The following UHRF2 variants were observed in gnomAD, a reference collection of about 807,000 sequenced individuals.
The protein encoded by UHRF2 is ubiquitin like with PHD and ring finger domains 2, also known as E3 ubiquitin-protein ligase UHRF2.
A neutral mutation model predicts 96.8 loss-of-function variants in UHRF2; 23 were observed. That is an observed-to-expected ratio of 0.24 (90% CI 0.17 to 0.34). The LOEUF (loss-of-function observed/expected upper bound fraction) is 0.34. UHRF2 is among the 10% of genes least tolerant of loss of function. The pLI is 1.00. For missense variants in UHRF2, 685 were observed against 981.5 expected, an observed-to-expected ratio of 0.70 and a Z score of 4.04; for synonymous variants, 385 against 332.6, an observed-to-expected ratio of 1.16 and a Z score of -1.72.
intron 3 of UHRF2, among the ~76,000 whole-genome samples, chr9:6,455,192 C>T (rs1052510419): frequency 3.3e-5 from 5 of 152,050 alleles, no homozygotes; most frequent in African/African-American, 1.2e-4. Context: ...ACAACGAGCT[C>T]GTTTGTTACA....
At chr9:6,416,535 CTTTTTTTTTT>C (rs60522189) in intron 1 of UHRF2, among the ~76,000 whole-genome samples, 56 of 64,946 alleles carry the variant, frequency 8.6e-4, no homozygotes, top group Non-Finnish European at 1.3e-3. Context: ...ATCTCTAAAT[CTTTTTTTTTT>C]TTTTTTTTTT....
At chr9:6,500,226 C>T (rs1816213726) in intron 13 of UHRF2, among the ~76,000 whole-genome samples, 2 of 152,126 alleles carry the variant, frequency 1.3e-5, no homozygotes, top group South Asian at 4.1e-4. Flanking sequence ...CCTCAGCCTC[C>T]TAAAGTGCTG....
intron 4 of UHRF2, among the ~76,000 whole-genome samples, chr9:6,462,037 G>A (rs2130851517): frequency 6.6e-6 from 1 of 151,736 alleles, no homozygotes; most frequent in Non-Finnish European, 1.5e-5. Context: ...ACGAATATTT[G>A]TGTCAAGTTC....
Position 6,413,520 on chromosome 9 carries a change from C to A in UHRF2, c.30C>A (p.Gly10=). 2 of 1,589,572 alleles carry A rather than the reference C, an allele frequency of 1.3e-6. No individual in the cohort carries two copies. Among genetic ancestry groups the A allele is most frequent in the Non-Finnish European group, 1.7e-6 (2 of 1,169,142 alleles). Residue 10 remains glycine, a synonymous_variant, in exon 1 of 16, where the codon GGC becomes GGA. Transcript: ENST00000276893. MWIQVRTID[G]SKTCTIEDVS... is the part of the protein sequence containing the mutation. Reference sequence around the variant, plus strand: ...GGATACAGGTTCGCACCATTGATGGCTCCAAGACGTGCACCATTGAGGACG... The same window carrying A: ...GGATACAGGTTCGCACCATTGATGGATCCAAGACGTGCACCATTGAGGACG...
chr9:6,455,391 TG>T (rs1822118875), intron 3 of UHRF2, among the ~76,000 whole-genome samples: 1 of 152,188 alleles, frequency 6.6e-6, no homozygotes, highest in African/African-American at 2.4e-5. Flanking sequence ...ATGCGGTGTT[TG>T]GTTTTTTGTA....
At chr9:6,500,446 G>T in intron 13 of UHRF2, 106 bp from the exon 14 acceptor site, 4 of 957,764 alleles carry the variant, frequency 4.2e-6, no homozygotes, top group South Asian at 2.1e-5. Flanking sequence ...GTTTTATGTT[G>T]GTTATCTTTC....
At chr9:6,415,773 A>G (rs147545006) in intron 1 of UHRF2, among the ~76,000 whole-genome samples, 1 of 152,176 alleles carries the variant, frequency 6.6e-6, no homozygotes, top group Admixed American at 6.5e-5. Context: ...ATAGATGTTC[A>G]GCTCACCCCA....
intron 3 of UHRF2, among the ~76,000 whole-genome samples, chr9:6,443,202 G>A (rs952778086): frequency 1.3e-5 from 2 of 152,114 alleles, no homozygotes; most frequent in Non-Finnish European, 2.9e-5. Flanking sequence ...GCAAATGATC[G>A]CCAGGAGCCT....
intron 2 of UHRF2, among the ~76,000 whole-genome samples, 190 bp downstream of exon 2, chr9:6,421,332 G>T (rs1819917302): frequency 6.6e-6 from 1 of 152,180 alleles, no homozygotes; most frequent in Admixed American, 6.5e-5. Flanking sequence ...AGATGTATAT[G>T]TACAGTTTAA....
At chr9:6,486,281 A>G (rs1206986544) in intron 8 of UHRF2, among the ~76,000 whole-genome samples, 1 of 152,248 alleles carries the variant, frequency 6.6e-6, no homozygotes, top group African/African-American at 2.4e-5. Flanking sequence ...CTACGATTGA[A>G]CAGTGGAAGT....
At chr9:6,469,601 A>G (rs1468815782) in intron 4 of UHRF2, among the ~76,000 whole-genome samples, 3 of 151,966 alleles carry the variant, frequency 2.0e-5, no homozygotes, top group Middle Eastern at 3.4e-3. Flanking sequence ...AAGTCAATAA[A>G]AACTACCCAT....
At chr9:6,464,821 C>G (rs941782224) in intron 4 of UHRF2, among the ~76,000 whole-genome samples, 5 of 152,068 alleles carry the variant, frequency 3.3e-5, no homozygotes, top group African/African-American at 1.2e-4. Context: ...AGCACATGAT[C>G]CTGCCTTGTT....
intron 3 of UHRF2, among the ~76,000 whole-genome samples, chr9:6,456,314 G>T (rs767253340): frequency 4.1e-4 from 62 of 152,138 alleles, no homozygotes; most frequent in Non-Finnish European, 4.7e-4. Flanking sequence ...TCATATGTTT[G>T]TTGGCCGCAT....
chr9:6,471,585 A>C (rs1417364062), intron 4 of UHRF2, among the ~76,000 whole-genome samples: 1 of 152,182 alleles, frequency 6.6e-6, no homozygotes, highest in Non-Finnish European at 1.5e-5. Context: ...GAGGCTATCC[A>C]GGCAGCTTTT....
At chr9:6,471,733 G>A (rs1429271230) in intron 4 of UHRF2, among the ~76,000 whole-genome samples, 1 of 152,146 alleles carries the variant, frequency 6.6e-6, no homozygotes, top group African/African-American at 2.4e-5. Flanking sequence ...ATATGAGTAA[G>A]TACAAGCAGT....
Position 6,504,658 on chromosome 9 carries a change from T to G in UHRF2, c.2229T>G (p.Pro743=). ...CVCCQELVYQ[P]VTTECFHNVC... is the part of the protein sequence containing the mutation. The stretch of plus-strand genomic sequence containing the variant: ...GCTGTCAGGAGCTAGTTTACCAGCC[T>G]GTGACAACTGAGTGCTTCCACAATG... Residue 743 remains proline, a synonymous_variant, in exon 15 of 16, where the codon CCT becomes CCG. Transcript: ENST00000276893. 1 of 1,613,840 alleles carries G rather than the reference T, an allele frequency of 6.2e-7. No homozygotes were observed. Among genetic ancestry groups the G allele is most frequent in the Non-Finnish European group, 8.5e-7 (1 of 1,179,830 alleles).
At chr9:6,469,670 G>GTGTC (rs1823099748) in intron 4 of UHRF2, among the ~76,000 whole-genome samples, 1 of 101,794 alleles carries the variant, frequency 9.8e-6, no homozygotes, top group African/African-American at 5.9e-5. Context: ...GTGTGTGTGT[G>GTGTC]TGTGTGTATG....
At position 6,475,456 on chromosome 9, in the gene UHRF2, G is replaced by C. The variant is rs1587847894; in HGVS notation, c.929G>C (p.Arg310Thr). The C allele has an allele frequency of 6.3e-7, 1 of 1,598,264 alleles. No individual in the cohort carries two copies. Among genetic ancestry groups the C allele is most frequent in the Non-Finnish European group, 8.5e-7 (1 of 1,171,740 alleles). ...ISVDEIFKIE[R>T]PGAHPLSFAD... The stretch of plus-strand genomic sequence containing the variant: ...GTAGATGAAATCTTCAAGATTGAGA[G>C]ACCTGGAGCCCATCCCCTTTCATTT... Residue 310 changes from arginine to threonine, a missense_variant, in exon 5 of 16, where the codon AGA becomes ACA. Transcript: ENST00000276893.
At chr9:6,416,891 C>G (rs1373593312) in intron 1 of UHRF2, among the ~76,000 whole-genome samples, 1 of 152,180 alleles carries the variant, frequency 6.6e-6, no homozygotes, top group Non-Finnish European at 1.5e-5. Context: ...TTCTTTCACT[C>G]CTTACCACTA....
Sources: allele counts gnomAD v4.1 joint callset (sites outside exome capture counted in the v4.1 genomes callset), GRCh38; gene constraint gnomAD v4.1.1; transcripts MANE v1.5; gene names NCBI Gene and HGNC (gene_info 2026-07-23, HGNC 2026-07-21).